NPEPPS: variants seen among roughly 807,000 people sequenced by gnomAD.
NPEPPS encodes the protein puromycin-sensitive aminopeptidase.
NPEPPS carries 14 observed loss-of-function variants against 115.5 expected under a neutral mutation model. That is an observed-to-expected ratio of 0.12 (90% CI 0.08 to 0.19). The LOEUF (loss-of-function observed/expected upper bound fraction) is 0.19. Ranked by LOEUF, NPEPPS falls within the 10% of genes least tolerant of loss-of-function variation. The probability of loss-of-function intolerance (pLI) is 1.00; values close to 1 mark genes in which losing one functional copy is unlikely to be tolerated. For missense variants in NPEPPS, 523 were observed against 1,110.8 expected, an observed-to-expected ratio of 0.47 and a Z score of 7.52; for synonymous variants, 285 against 390.6, an observed-to-expected ratio of 0.73 and a Z score of 3.19.
chr17:47,612,740 T>A, intron 18 of NPEPPS, 138 bp downstream of exon 18: 1 of 720,132 alleles, frequency 1.4e-6, no homozygotes, highest in Non-Finnish European at 2.2e-6. Flanking sequence ...CTCGGCTCAC[T>A]GCAGCCTCTG....
At chr17:47,609,056 C>T (rs775696786) in intron 17 of NPEPPS, among the ~76,000 whole-genome samples, 1 of 151,366 alleles carries the variant, frequency 6.6e-6, no homozygotes, top group African/African-American at 2.4e-5. Flanking sequence ...ATGAGAGAGA[C>T]GTGGGGTAAA....
At chr17:47,535,624 T>C (rs1597808310) in intron 1 of NPEPPS, among the ~76,000 whole-genome samples, 1 of 150,964 alleles carries the variant, frequency 6.6e-6, no homozygotes, top group East Asian at 1.9e-4. Flanking sequence ...TTTGTTATTA[T>C]ACAGAAGTTT....
chr17:47,546,043 G>GGT (rs372434515), intron 2 of NPEPPS, 50 bp downstream of exon 2: 83,004 of 1,165,152 alleles, frequency 0.071, 108 homozygotes, highest in Non-Finnish European at 0.076. Context: ...GCATATGTGG[G>GGT]GTGTGTGTGT....
chr17:47,531,982 G>C (rs2143650936), intron 1 of NPEPPS, among the ~76,000 whole-genome samples: 1 of 152,264 alleles, frequency 6.6e-6, no homozygotes, highest in African/African-American at 2.4e-5. Context: ...ACCTGACTCA[G>C]TTCTTTCTTT....
intron 8 of NPEPPS, chr17:47,586,853 G>A (rs532809131): frequency 4.6e-5 from 20 of 437,988 alleles, no homozygotes; most frequent in Non-Finnish European, 5.8e-5. Context: ...TTGGACAGCC[G>A]GCTCAGTGCT....
At chr17:47,596,520 G>C in intron 13 of NPEPPS, 58 bp downstream of exon 13, 1 of 1,138,714 alleles carries the variant, frequency 8.8e-7, no homozygotes, top group East Asian at 2.7e-5. Context: ...GTTCAGTACA[G>C]TGTATCAAGT....
chr17:47,583,072 T>A (rs1911982902), intron 5 of NPEPPS, among the ~76,000 whole-genome samples: 1 of 149,486 alleles, frequency 6.7e-6, no homozygotes, highest in Admixed American at 6.7e-5. Flanking sequence ...GGTCTCAAAC[T>A]CCTGGGGTCA....
intron 17 of NPEPPS, among the ~76,000 whole-genome samples, chr17:47,611,071 C>G (rs560139894): frequency 1.3e-5 from 2 of 151,338 alleles, no homozygotes; most frequent in Admixed American, 1.3e-4. Context: ...CCAGGATGGT[C>G]TCGATCTCCT....
At chr17:47,601,943 GATCC>G in intron 15 of NPEPPS, 196 bp downstream of exon 15, 1 of 550,672 alleles carries the variant, frequency 1.8e-6, no homozygotes, top group Non-Finnish European at 3.1e-6. Context: ...TAGAGAAGCA[GATCC>G]AAAGGCATAG....
Position 47,618,418 on chromosome 17 carries a change from G to T in NPEPPS, c.2364G>T (p.Leu788Phe), listed in dbSNP as rs763421365. ...RIERVLGATL[L>F]PDLIQKVLTF... ...AAAGAGTCCTTGGCGCTACTCTTTT[G>T]CCTGACCTGATTCAAAAAGTCCTCA... is the stretch of plus-strand genomic sequence containing the variant. The change falls in exon 20 of 23, where the codon TTG (leucine) becomes TTT (phenylalanine). Residue 788 changes from leucine to phenylalanine, a missense_variant. Physicochemically the swap from Leu to Phe is conservative, Grantham distance 22 (BLOSUM62 0). Around this residue, in one of 4 missense-constraint regions of NPEPPS, gnomAD observed 372 missense variants for 542.6 expected, o/e 0.69. Transcript: ENST00000322157. 6.2e-7 allele frequency: 1 copy of T among 1,613,862 alleles called. No individual in the cohort carries two copies. The highest frequency in any genetic ancestry group is 8.5e-7 in the Non-Finnish European group (1 of 1,179,842).
At chr17:47,619,551 T>A in intron 21 of NPEPPS, 186 bp from the exon 22 acceptor site, 2 of 581,082 alleles carry the variant, frequency 3.4e-6, no homozygotes, top group South Asian at 2.0e-5. Context: ...TGAAACTCCG[T>A]CTCAAAAAAA....
At chr17:47,594,590 T>TG (rs1178769483) in intron 12 of NPEPPS, among the ~76,000 whole-genome samples, 2,475 of 135,100 alleles carry the variant, frequency 0.018, 24 homozygotes, top group Middle Eastern at 0.062. Context: ...TTGTATTTTA[T>TG]TTTATGTTAT....
upstream of NPEPPS, among the ~76,000 whole-genome samples, chr17:47,528,324 T>C (rs1446796122): frequency 6.6e-6 from 1 of 152,116 alleles, no homozygotes; most frequent in Non-Finnish European, 1.5e-5. Flanking sequence ...TTATATGTTA[T>C]TTAAATTATT....
At chr17:47,537,827 T>G (rs28501532) in intron 1 of NPEPPS, among the ~76,000 whole-genome samples, 1 of 151,806 alleles carries the variant, frequency 6.6e-6, no homozygotes, top group African/African-American at 2.4e-5. Flanking sequence ...GAACTTTATT[T>G]TGAACATCTC....
intron 2 of NPEPPS, among the ~76,000 whole-genome samples, chr17:47,564,376 AGAAG>A (rs1472831546): frequency 1.3e-5 from 2 of 151,752 alleles, no homozygotes; most frequent in African/African-American, 4.8e-5. Flanking sequence ...CTCAATTTTA[AGAAG>A]AAAGAATTAG....
chr17:47,531,153 T>TCCCCTCCGCCCCCTTCCCC lies in NPEPPS; in HGVS notation c.-147_-129dup, dbSNP rs1907717528. The TCCCCTCCGCCCCCTTCCCC allele has an allele frequency of 1.6e-5, 1 of 60,842 alleles. No homozygotes were observed. Among genetic ancestry groups the TCCCCTCCGCCCCCTTCCCC allele is most frequent in the African/African-American group, 1.1e-4 (1 of 9,034 alleles). The allele number at this position is 60,842 out of a possible 1,614,324, so 3.8% of individuals were successfully genotyped here. ...CCTTGCGGGCCCTCCTCCCCTTCCC[T>TCCCCTCCGCCCCCTTCCCC]CCCCTCCGCCCCCTTCCCCGTAGGC... On this transcript the variant is annotated 5_prime_UTR_variant, in exon 1 of 23. Coordinates refer to ENST00000322157, the MANE Select transcript of NPEPPS (RefSeq NM_006310.4).
chr17:47,618,282 T>C (rs1335029904), intron 19 of NPEPPS, 68 bp from the exon 20 acceptor site: 1 of 993,274 alleles, frequency 1.0e-6, no homozygotes, highest in East Asian at 2.4e-5. Flanking sequence ...GGGAAGAAGC[T>C]CATATAATCA....
At chr17:47,535,087 C>T (rs981517209) in intron 1 of NPEPPS, among the ~76,000 whole-genome samples, 2 of 141,626 alleles carry the variant, frequency 1.4e-5, no homozygotes, top group Admixed American at 7.2e-5. Context: ...TACTAAAATA[C>T]AAAAAATTAG....
chr17:47,565,735 A>G (rs924910880), intron 2 of NPEPPS, among the ~76,000 whole-genome samples: 3 of 151,716 alleles, frequency 2.0e-5, no homozygotes, highest in Non-Finnish European at 4.4e-5. Flanking sequence ...TGGGAGGAAC[A>G]CTTGAACCTG....
Sources: gnomAD v4.1 joint callset for allele counts (sites outside exome capture counted in the v4.1 genomes callset) on GRCh38, gnomAD v4.1.1 for gene constraint, gnomAD v4.1.1 regional missense constraint, MANE v1.5 for transcripts, NCBI Gene and HGNC (gene_info 2026-07-23, HGNC 2026-07-21) for gene names.